Variants in PHACTR3 observed in about 807,000 individuals in gnomAD.
PHACTR3 encodes protein phosphatase 1, regulatory subunit 123.
Under a neutral mutation model 66.8 loss-of-function variants are expected in PHACTR3, and 16 were observed. The ratio of observed to expected loss-of-function variants is 0.24; its 90% CI spans 0.16 to 0.36. The LOEUF (loss-of-function observed/expected upper bound fraction) is 0.36. PHACTR3 is among the 10% of genes least tolerant of loss of function. The pLI is 1.00. For synonymous variants in PHACTR3, 323 were observed against 292.1 expected (o/e 1.11, Z -1.08); for missense variants, 647 against 719.9 (o/e 0.90, Z 1.16).
Position 59,643,685 on chromosome 20 carries a change from C to T in PHACTR3, c.118+38553C>T, listed in dbSNP as rs142507643. Among the ~76,000 whole-genome samples, 158 of 152,294 alleles carry T rather than the reference C, an allele frequency of 1.0e-3. 1 individual carries two copies. The highest frequency in any genetic ancestry group is 5.8e-3 in the East Asian group (30 of 5,184). On this transcript the variant is annotated intron_variant, in intron 1 of 12. Transcript: ENST00000371015. ...GGCAGTGCAGGGGAACTTGGGTGCA[C>T]GCCTGATGGAGCGGCGAGAAGCTGA...
At chr20:59,605,158 GC>G in intron 1 of PHACTR3, 26 bp downstream of exon 1, 1 of 1,275,878 alleles carries the variant, frequency 7.8e-7, no homozygotes, top group Non-Finnish European at 1.0e-6. Flanking sequence ...GGGGCGGCGG[GC>G]GGGTCGGGGA....
chr20:59,604,323 C>A (rs73301411), upstream of PHACTR3, among the ~76,000 whole-genome samples: 862 of 152,190 alleles, frequency 5.7e-3, 8 homozygotes, highest in African/African-American at 0.019. Flanking sequence ...GACTAGGAAG[C>A]TTTCCTGTTT....
intron 8 of PHACTR3, chr20:59,835,970 G>T (rs1037189200): frequency 6.6e-6 from 1 of 152,554 alleles, no homozygotes; most frequent in Non-Finnish European, 1.5e-5. Flanking sequence ...CTGGGCACAG[G>T]CGGCTCTACT....
At chr20:59,583,782 G>A (rs962684950) in intron 1 of PHACTR3, among the ~76,000 whole-genome samples, 11 of 152,266 alleles carry the variant, frequency 7.2e-5, no homozygotes, top group African/African-American at 2.4e-4. Context: ...GGTTTGCGTT[G>A]TGGGCTTTGC....
intron 7 of PHACTR3, among the ~76,000 whole-genome samples, chr20:59,785,533 A>C (rs985141602): frequency 2.0e-5 from 3 of 152,154 alleles, no homozygotes; most frequent in Non-Finnish European, 4.4e-5. Context: ...GCTGGACTCC[A>C]TTCTTGCAGC....
At chr20:59,721,165 G>A (rs1008222194) in intron 1 of PHACTR3, 4 of 152,276 alleles carry the variant, frequency 2.6e-5, no homozygotes, top group African/African-American at 9.6e-5. Flanking sequence ...GAAGCTCAGA[G>A]AGGTTATGTA....
At chr20:59,631,010 T>C (rs1190743096) in intron 1 of PHACTR3, among the ~76,000 whole-genome samples, 2 of 152,174 alleles carry the variant, frequency 1.3e-5, no homozygotes, top group Middle Eastern at 3.2e-3. Flanking sequence ...CCACCAGGGA[T>C]GCTGGCATGT....
rs2035356698 is a variant in PHACTR3 at position 59,648,434 on chromosome 20, G to A, written c.118+43302G>A. On this transcript the variant is annotated intron_variant, in intron 1 of 12. Coordinates refer to ENST00000371015, the MANE Select transcript of PHACTR3 (RefSeq NM_080672.5). The stretch of plus-strand genomic sequence containing the variant: ...GGTAGGTCCCTTGAGGGAAATCAAG[G>A]TGCTGAACCAGAAAAGGTGGTGATG... Among the ~76,000 whole-genome samples, 4 of 152,216 alleles carry A rather than the reference G, an allele frequency of 2.6e-5. 1 individual carries two copies. The South Asian group carries it at 8.3e-4, about 31-fold the overall frequency.
chr20:59,817,772 T>C (rs1322549582), intron 8 of PHACTR3, among the ~76,000 whole-genome samples: 6 of 152,198 alleles, frequency 3.9e-5, no homozygotes, highest in Non-Finnish European at 5.9e-5. Flanking sequence ...TTTGGTGAAA[T>C]AGCCTTCATG....
At chr20:59,591,235 T>C (rs1305630121) in intron 1 of PHACTR3, among the ~76,000 whole-genome samples, 2 of 152,086 alleles carry the variant, frequency 1.3e-5, no homozygotes, top group African/African-American at 2.4e-5. Context: ...CACGGACACA[T>C]CTCATCCTCT....
intron 1 of PHACTR3, among the ~76,000 whole-genome samples, chr20:59,614,748 C>G (rs933613644): frequency 6.6e-6 from 1 of 152,110 alleles, no homozygotes; most frequent in African/African-American, 2.4e-5. Flanking sequence ...AAGTTTGTAT[C>G]CATATATAGA....
chr20:59,792,641 T>C (rs1464532649), intron 7 of PHACTR3, among the ~76,000 whole-genome samples: 1 of 152,228 alleles, frequency 6.6e-6, no homozygotes, highest in Non-Finnish European at 1.5e-5. Context: ...TATTATGGTT[T>C]TAATTTGCAT....
intron 1 of PHACTR3, among the ~76,000 whole-genome samples, chr20:59,698,730 G>T (rs759916667): frequency 6.6e-6 from 1 of 152,104 alleles, no homozygotes; most frequent in Non-Finnish European, 1.5e-5. Context: ...TCTTTTCTCC[G>T]GGAGAATGTT....
intron 1 of PHACTR3, among the ~76,000 whole-genome samples, chr20:59,741,875 G>A (rs2039174464): frequency 6.6e-6 from 1 of 151,422 alleles, no homozygotes; most frequent in Admixed American, 6.6e-5. Flanking sequence ...CAATTATCCT[G>A]TCTCAGCCTC....
Position 59,743,088 on chromosome 20 carries a change from C to T in PHACTR3, c.119-19C>T, listed in dbSNP as rs2039228576. 1 of 1,607,798 alleles carries T rather than the reference C, an allele frequency of 6.2e-7. No homozygotes were observed. Among genetic ancestry groups the T allele is most frequent in the Admixed American group, 1.7e-5 (1 of 59,460 alleles). On this transcript the variant is annotated intron_variant, in intron 1 of 12. Coordinates refer to ENST00000371015, the MANE Select transcript of PHACTR3 (RefSeq NM_080672.5). ...GGTTTGGTGGCCACTTGAGGACCCC[C>T]TTGGTTTTCGTCTTCCAGATGAGAT...
intron 1 of PHACTR3, among the ~76,000 whole-genome samples, chr20:59,684,727 A>G (rs181636251): frequency 5.1e-4 from 78 of 152,314 alleles, no homozygotes; most frequent in African/African-American, 1.8e-3. Context: ...GGGAGCCCCT[A>G]GAGAGGAGGA....
intron 7 of PHACTR3, among the ~76,000 whole-genome samples, chr20:59,803,846 G>A (rs970870575): frequency 9.9e-5 from 15 of 152,162 alleles, no homozygotes; most frequent in African/African-American, 3.6e-4. Context: ...GGGATTTCCA[G>A]ATCAAAGGTT....
intron 2 of PHACTR3, 25 bp downstream of exon 2, chr20:59,743,293 G>T (rs757816745): frequency 6.2e-7 from 1 of 1,611,782 alleles, no homozygotes; most frequent in Non-Finnish European, 8.5e-7. Context: ...ACAGGCGCGG[G>T]CAGGCTGTGG....
chr20:59,736,944 G>A lies in PHACTR3; in HGVS notation c.119-6163G>A, dbSNP rs2038966546. Reference sequence around the variant, plus strand: ...TGGGGTCTTCACTCCTCTGATGACAGTTGAGCCCCTTGAGGAGCTGCTTAG... The same window carrying A: ...TGGGGTCTTCACTCCTCTGATGACAATTGAGCCCCTTGAGGAGCTGCTTAG... On this transcript the variant is annotated intron_variant, in intron 1 of 12. Coordinates refer to ENST00000371015, the MANE Select transcript of PHACTR3 (RefSeq NM_080672.5). The surrounding 1 kb of genome is among the most constrained non-coding windows in gnomAD (Gnocchi z 4.6). Among the ~76,000 whole-genome samples the A allele has an allele frequency of 6.6e-6, 1 of 152,156 alleles. No individual in the cohort carries two copies. The highest frequency in any genetic ancestry group is 1.5e-5 in the Non-Finnish European group (1 of 68,018).
Sources: allele counts gnomAD v4.1 joint callset (sites outside exome capture counted in the v4.1 genomes callset), GRCh38; gene constraint gnomAD v4.1.1; non-coding constraint Gnocchi (gnomAD v3.1); transcripts MANE v1.5; gene names NCBI Gene and HGNC (gene_info 2026-07-23, HGNC 2026-07-21).